Variants in NELL2 observed in about 807,000 individuals in gnomAD.
The protein encoded by NELL2 is protein kinase C-binding protein NELL2.
In NELL2, 41 loss-of-function variants were observed where a neutral mutation model predicts 109.6. That is an observed-to-expected ratio of 0.37 (90% CI 0.29 to 0.49). NELL2 has a LOEUF of 0.49. NELL2 is among the 20% of genes least tolerant of loss of function. The probability of loss-of-function intolerance (pLI) is 0.98; values close to 1 mark genes in which losing one functional copy is unlikely to be tolerated. For synonymous variants in NELL2, 355 were observed against 344.7 expected, an observed-to-expected ratio of 1.03 and a Z score of -0.33; for missense variants, 900 against 1,008.3, an observed-to-expected ratio of 0.89 and a Z score of 1.45.
At chr12:44,717,301 A>C (rs1186397568) in intron 9 of NELL2, among the ~76,000 whole-genome samples, 1 of 152,198 alleles carries the variant, frequency 6.6e-6, no homozygotes, top group East Asian at 1.9e-4. Flanking sequence ...TTCTAAGAGA[A>C]GACTGAGAGA....
At chr12:44,685,595 T>C (rs931117509) in intron 12 of NELL2, among the ~76,000 whole-genome samples, 1 of 152,196 alleles carries the variant, frequency 6.6e-6, no homozygotes, top group Admixed American at 6.5e-5. Flanking sequence ...TCAGGAGCTC[T>C]TTTATGGCAG....
intron 9 of NELL2, among the ~76,000 whole-genome samples, chr12:44,730,439 T>C (rs1939309155): frequency 6.6e-6 from 1 of 152,164 alleles, no homozygotes; most frequent in South Asian, 2.1e-4. Context: ...CCAGTATCTT[T>C]TCCAAACACA....
rs148639552 is a variant in NELL2 at position 44,697,426 on chromosome 12, G to A, written c.1318+6300C>T. ...ACCATATACAGCTTTGGGGTATGGA[G>A]GAAACTGGAGTATCCAGGGAAAATC... On this transcript the variant is annotated intron_variant, in intron 12 of 19. Transcript: ENST00000429094. Among the ~76,000 whole-genome samples, 32 of 152,250 alleles carry A rather than the reference G, an allele frequency of 2.1e-4. No individual in the cohort carries two copies. The East Asian group carries it at 6.2e-3, about 29-fold the overall frequency.
At position 44,680,443 on chromosome 12, in the gene NELL2, T is replaced by C. The variant is rs564570702; in HGVS notation, c.1319-14834A>G. On this transcript the variant is annotated intron_variant, in intron 12 of 19. Transcript: ENST00000429094. ...TTTAAAAATCTATTTGGGAATACAT[T>C]CTTCATATTAAAGAAAAATTACTTG... 3.9e-5 allele frequency among the ~76,000 whole-genome samples: 6 copies of C among 152,338 alleles called. No individual in the cohort carries two copies. In the South Asian group the frequency reaches 1.2e-3, roughly 32 times the overall value.
chr12:44,844,477 C>T (rs1944315321), intron 2 of NELL2, among the ~76,000 whole-genome samples: 1 of 152,166 alleles, frequency 6.6e-6, no homozygotes, highest in South Asian at 2.1e-4. Context: ...AGACAAAGCA[C>T]TACAACATAG....
chr12:44,909,308 C>T (rs1032328731), intron 1 of NELL2, among the ~76,000 whole-genome samples: 2 of 151,462 alleles, frequency 1.3e-5, no homozygotes, highest in South Asian at 2.1e-4. Flanking sequence ...AGAGCCAAAT[C>T]AAGAACACAA....
intron 3 of NELL2, among the ~76,000 whole-genome samples, chr12:44,811,984 C>A (rs752276603): frequency 6.6e-6 from 1 of 151,948 alleles, no homozygotes; most frequent in Non-Finnish European, 1.5e-5. Flanking sequence ...ACCCCATCTT[C>A]CCCCCAAAAA....
chr12:44,875,261 C>A lies in NELL2; in HGVS notation c.148G>T (p.Gly50Trp), dbSNP rs1185129659. Residue 50 changes from glycine to tryptophan, a missense_variant, in exon 2 of 20, where the codon GGG becomes TGG. Coordinates refer to ENST00000429094, the MANE Select transcript of NELL2 (RefSeq NM_001145108.2). ...ESTTGVRQVP[G>W]LHNGTKAFLF... ...AAGGCTTTCGTCCCATTATGCAGCC[C>A]CGGGACCTGACGCACTCCGGTCGTG... 2 of 1,614,006 alleles carry A rather than the reference C, an allele frequency of 1.2e-6. No homozygotes were observed. The highest frequency in any genetic ancestry group is 1.7e-6 in the Non-Finnish European group (2 of 1,180,042).
chr12:44,843,152 G>T (rs540091281), intron 2 of NELL2, among the ~76,000 whole-genome samples: 1 of 151,652 alleles, frequency 6.6e-6, no homozygotes, highest in Non-Finnish European at 1.5e-5. Flanking sequence ...ATTTGGGGAA[G>T]GGGAGAGGTA....
chr12:44,731,857 T>A lies in NELL2; in HGVS notation c.995-17116A>T, dbSNP rs573852972. On this transcript the variant is annotated intron_variant, in intron 9 of 19. Transcript: ENST00000429094. ...GATTCCACAAAAGATCTGTTAAAGC[T>A]CTTGAACAAATATAGCAAATTTGTA... Among the ~76,000 whole-genome samples, 15 of 152,134 alleles carry A rather than the reference T, an allele frequency of 9.9e-5. No individual in the cohort carries two copies. The East Asian group carries it at 1.9e-3, about 20-fold the overall frequency.
chr12:44,834,436 C>CTTTTTTTTTTTT (rs36048159), intron 2 of NELL2, among the ~76,000 whole-genome samples: 2 of 131,550 alleles, frequency 1.5e-5, no homozygotes, highest in Non-Finnish European at 3.2e-5. Context: ...CACACGCATT[C>CTTTTTTTTTTTT]TTTTTTTTTT....
upstream of NELL2, among the ~76,000 whole-genome samples, chr12:44,879,804 C>T (rs943901245): frequency 6.6e-6 from 1 of 151,938 alleles, no homozygotes. Context: ...TTGGCCGAAG[C>T]TTGCCAGCTG....
Position 44,711,337 on chromosome 12 carries a change from A to G in NELL2, c.1144T>C (p.Ser382Pro), listed in dbSNP as rs775750951. Reference sequence around the variant, plus strand: ...CTGTGAGACAAGGTTATCTGATGAGACTCTGGACAATCCAAAGCTGGACAG... The same window carrying G: ...CTGTGAGACAAGGTTATCTGATGAGGCTCTGGACAATCCAAAGCTGGACAG... The part of the protein sequence containing the change: ...SGCPALDCPE[S>P]HQITLSHSCC... Residue 382 changes from serine (S) to proline (P), a missense_variant, in exon 11 of 20, where the codon TCT becomes CCT. This residue lies in a region of NELL2 where 292 missense variants were observed against 265.3 expected (regional missense o/e 1.10). Transcript: ENST00000429094. 3.7e-6 allele frequency: 6 copies of G among 1,612,500 alleles called. No homozygotes were observed. In the East Asian group the frequency reaches 1.3e-4, roughly 36 times the overall value.
chr12:44,655,960 A>G (rs1214880211), intron 13 of NELL2, among the ~76,000 whole-genome samples: 1 of 152,216 alleles, frequency 6.6e-6, no homozygotes, highest in Non-Finnish European at 1.5e-5. Context: ...TGCTGATTTC[A>G]GGAAAAGAAA....
intron 9 of NELL2, among the ~76,000 whole-genome samples, chr12:44,738,265 G>C (rs1446823353): frequency 6.6e-6 from 1 of 152,038 alleles, no homozygotes; most frequent in Non-Finnish European, 1.5e-5. Context: ...GAATAAAAGT[G>C]TCATCAGAAC....
chr12:44,639,963 A>T (rs931310119), intron 13 of NELL2, among the ~76,000 whole-genome samples: 6 of 152,124 alleles, frequency 3.9e-5, no homozygotes, highest in Non-Finnish European at 8.8e-5. Flanking sequence ...AGTCCCTTAA[A>T]CATACCAACC....
At chr12:44,711,700 C>T (rs1938212718) in intron 10 of NELL2, among the ~76,000 whole-genome samples, 1 of 151,848 alleles carries the variant, frequency 6.6e-6, no homozygotes, top group South Asian at 2.1e-4. Context: ...ATTTTGCAAG[C>T]CCAGATGACA....
At chr12:44,698,134 G>T in intron 12 of NELL2, among the ~76,000 whole-genome samples, 1 of 152,122 alleles carries the variant, frequency 6.6e-6, no homozygotes, top group East Asian at 1.9e-4. Flanking sequence ...CTGGAATAGG[G>T]TGTCACCCTC....
chr12:44,532,612 C>T lies in NELL2; in HGVS notation c.1773G>A (p.Gly591=), dbSNP rs1396876703. ...CECRDGYHDN[G]MFSPSGESCE... ...ACGATTCTCCACTTGGTGAAAACAT[C>T]CCATTGTCATGGTAGCCATCTCTGC... Residue 591 remains glycine, a synonymous_variant, in exon 16 of 20, where the codon GGG becomes GGA. Transcript: ENST00000429094. The T allele has an allele frequency of 1.2e-6, 2 of 1,613,600 alleles. No homozygotes were observed. Among genetic ancestry groups the T allele is most frequent in the East Asian group, 4.5e-5 (2 of 44,856 alleles).
Sources: gnomAD v4.1 joint callset for allele counts (sites outside exome capture counted in the v4.1 genomes callset) on GRCh38, gnomAD v4.1.1 for gene constraint, gnomAD v4.1.1 regional missense constraint, MANE v1.5 for transcripts, NCBI Gene and HGNC (gene_info 2026-07-23, HGNC 2026-07-21) for gene names.